HECTD4: variants seen among roughly 807,000 people sequenced by gnomAD.
HECTD4 encodes the protein probable E3 ubiquitin-protein ligase HECTD4.
A neutral mutation model predicts 471.5 loss-of-function variants in HECTD4; 114 were observed. The ratio of observed to expected loss-of-function variants is 0.24; its 90% CI spans 0.21 to 0.28. HECTD4 has a LOEUF of 0.28. Among genes scored for constraint, HECTD4 ranks in the 10% least tolerant of loss-of-function variants. The probability of loss-of-function intolerance (pLI) is 1.00; values close to 1 mark genes in which losing one functional copy is unlikely to be tolerated. For missense variants in HECTD4, 3,866 were observed against 5,651.5 expected, an observed-to-expected ratio of 0.68 and a Z score of 10.13; for synonymous variants, 2,012 against 2,256.0, an observed-to-expected ratio of 0.89 and a Z score of 3.07.
intron 1 of HECTD4, among the ~76,000 whole-genome samples, chr12:112,326,861 CTATACAAATATA>C (rs1185594497): frequency 2.5e-4 from 38 of 152,046 alleles, no homozygotes; most frequent in African/African-American, 9.2e-4. Context: ...TCTCTCTTGT[CTATACAAATATA>C]TATACAAATA....
intron 1 of HECTD4, among the ~76,000 whole-genome samples, chr12:112,342,243 C>G (rs190097445): frequency 1.1e-3 from 160 of 151,660 alleles, no homozygotes; most frequent in African/African-American, 3.6e-3. Flanking sequence ...ATTGCTTGAG[C>G]CTGGGAGTTC....
At chr12:112,296,590 TG>T (rs2035023706) in intron 7 of HECTD4, among the ~76,000 whole-genome samples, 1 of 126,194 alleles carries the variant, frequency 7.9e-6, no homozygotes, top group Non-Finnish European at 1.7e-5. Context: ...TAGGTGCAGA[TG>T]GTGTAGGTGC....
At chr12:112,292,375 C>A (rs1273808187) in intron 7 of HECTD4, among the ~76,000 whole-genome samples, 1 of 152,124 alleles carries the variant, frequency 6.6e-6, no homozygotes, top group Non-Finnish European at 1.5e-5. Flanking sequence ...TAGAATAGTC[C>A]CACACCAAAC....
chr12:112,163,125 G>A lies in HECTD4; in HGVS notation c.13037C>T (p.Thr4346Ile), dbSNP rs766299664. ...FACNQERIPF[T>I]CPCKDGGPDT... is the part of the protein sequence containing the mutation. ...GGGACCCCCATCTTTGCAGGGGCAGGTGAACGGGATGCGCTCCTGGTTGCA... is the reference window on the plus strand; with the variant it reads ...GGGACCCCCATCTTTGCAGGGGCAGATGAACGGGATGCGCTCCTGGTTGCA... The change falls in exon 75 of 76, where the codon ACC (threonine) becomes ATC (isoleucine). Residue 4346 changes from threonine (T) to isoleucine (I), a missense_variant. This residue lies in a region of HECTD4 where 715 missense variants were observed against 1,087.6 expected (regional missense o/e 0.66). Coordinates refer to ENST00000682272, the MANE Select transcript of HECTD4 (RefSeq NM_001388303.1). The surrounding 1 kb of genome is among the most constrained non-coding windows in gnomAD (Gnocchi z 8.2). 1 of 1,614,032 alleles carries A rather than the reference G, an allele frequency of 6.2e-7. No homozygotes were observed. The highest frequency in any genetic ancestry group is 8.5e-7 in the Non-Finnish European group (1 of 1,179,882).
At chr12:112,211,008 A>G (rs2032745382) in intron 49 of HECTD4, among the ~76,000 whole-genome samples, 1 of 152,240 alleles carries the variant, frequency 6.6e-6, no homozygotes, top group Admixed American at 6.5e-5. Flanking sequence ...GGTATCAGAC[A>G]CATGGTACAG....
chr12:112,249,599 ACCTGCCT>A (rs1196387028), intron 25 of HECTD4: 1 of 153,786 alleles, frequency 6.5e-6, no homozygotes, highest in Non-Finnish European at 1.4e-5. Context: ...CTCTCTGAAA[ACCTGCCT>A]CAGGAGGCAG....
chr12:112,200,905 G>GTGTGTGTC, intron 54 of HECTD4, 107 bp from the exon 55 acceptor site: 1 of 979,552 alleles, frequency 1.0e-6, no homozygotes, highest in Admixed American at 2.4e-5. Context: ...GTGTGTGTGT[G>GTGTGTGTC]TGTGTGTATT....
chr12:112,199,609 T>C (rs2032352007), intron 55 of HECTD4, among the ~76,000 whole-genome samples: 1 of 152,220 alleles, frequency 6.6e-6, no homozygotes, highest in African/African-American at 2.4e-5. Flanking sequence ...CATTTTAAGA[T>C]GGAAAGGAAT....
chr12:112,252,338 CT>C, intron 23 of HECTD4, 85 bp downstream of exon 23: 2 of 1,351,392 alleles, frequency 1.5e-6, no homozygotes, highest in Non-Finnish European at 2.0e-6. Flanking sequence ...ATATTCTGCC[CT>C]GTTTCCAAGG....
chr12:112,332,147 G>A (rs1045777761), intron 1 of HECTD4, among the ~76,000 whole-genome samples: 3 of 151,734 alleles, frequency 2.0e-5, no homozygotes, highest in Non-Finnish European at 4.4e-5. Context: ...GAAATAGGAA[G>A]TTACTGGTAT....
chr12:112,204,717 T>C (rs2032523458), intron 52 of HECTD4, 94 bp from the exon 53 acceptor site: 3 of 986,854 alleles, frequency 3.0e-6, no homozygotes, highest in Non-Finnish European at 4.5e-6. Context: ...GATAAGGGAA[T>C]CTTTCAAACA....
chr12:112,304,930 G>A (rs2035243571), intron 7 of HECTD4, among the ~76,000 whole-genome samples: 1 of 152,098 alleles, frequency 6.6e-6, no homozygotes, highest in Non-Finnish European at 1.5e-5. Context: ...TTGCTTCGGT[G>A]TTTTTGTTTT....
rs1359656322 is a variant in HECTD4 at position 112,228,695 on chromosome 12, T to C, written c.6636A>G (p.Ser2212=). ...PIDCRKTSQA[S]DTLTIPLSRL... ...TAGACAATGGAATAGTCAATGTGTC[T>C]GACGCTTGCGAAGTCTTTCTACAGT... is the stretch of plus-strand genomic sequence containing the variant. Residue 2212 remains serine, a synonymous_variant, in exon 42 of 76, where the codon TCA becomes TCG. Transcript: ENST00000682272. The surrounding 1 kb of genome is among the most constrained non-coding windows in gnomAD (Gnocchi z 4.9). 1 of 1,613,536 alleles carries C rather than the reference T, an allele frequency of 6.2e-7. No individual in the cohort carries two copies. The highest frequency in any genetic ancestry group is 1.7e-5 in the Admixed American group (1 of 59,802).
intron 62 of HECTD4, among the ~76,000 whole-genome samples, chr12:112,182,591 A>G (rs1417989270): frequency 6.6e-6 from 1 of 152,266 alleles, no homozygotes; most frequent in Non-Finnish European, 1.5e-5. Flanking sequence ...TGCACAGGAC[A>G]GAACAAAATA....
chr12:112,228,871 C>T lies in HECTD4; in HGVS notation c.6520-60G>A, dbSNP rs969675914. 34 of 1,508,196 alleles carry T rather than the reference C, an allele frequency of 2.3e-5. No individual in the cohort carries two copies. The highest frequency in any genetic ancestry group is 8.3e-5 in the Admixed American group (4 of 48,440). 93.4% of individuals were successfully genotyped at this position (1,508,196 alleles called of 1,614,324 possible). On this transcript the variant is annotated intron_variant, in intron 41 of 75. Coordinates refer to ENST00000682272, the MANE Select transcript of HECTD4 (RefSeq NM_001388303.1). The surrounding 1 kb of genome is among the most constrained non-coding windows in gnomAD (Gnocchi z 4.9). ...CTCTGACGTGTGGGCAGCTGTCTTA[C>T]GAGACAAGAGGAAAAAGTAAATTTA...
chr12:112,245,771 C>T (rs1251863422), intron 29 of HECTD4, among the ~76,000 whole-genome samples: 1 of 152,236 alleles, frequency 6.6e-6, no homozygotes, highest in Non-Finnish European at 1.5e-5. Context: ...TGCCATGTTA[C>T]AGATCCTGTC....
intron 1 of HECTD4, among the ~76,000 whole-genome samples, chr12:112,331,484 T>C (rs532471097): frequency 6.6e-6 from 1 of 152,316 alleles, no homozygotes; most frequent in Non-Finnish European, 1.5e-5. Flanking sequence ...CTCCCTCCCC[T>C]TAGGCATTTT....
In HECTD4 at chr12:112,243,588, T is replaced by C. The variant is rs529055170; in HGVS notation, c.4791+32A>G. 6.2e-7 allele frequency: 1 copy of C among 1,604,884 alleles called. No individual in the cohort carries two copies. Among genetic ancestry groups the C allele is most frequent in the African/African-American group, 1.3e-5 (1 of 74,898 alleles). On this transcript the variant is annotated intron_variant, in intron 31 of 75. Coordinates refer to ENST00000682272, the MANE Select transcript of HECTD4 (RefSeq NM_001388303.1). The surrounding 1 kb of genome is among the most constrained non-coding windows in gnomAD (Gnocchi z 6.6). ...CAAGACCCCGCATGCTGTTAGGTGC[T>C]ATTCATCTGGAGCCCGCAAAATGTG... is the stretch of plus-strand genomic sequence containing the variant.
intron 53 of HECTD4, 99 bp from the exon 54 acceptor site, chr12:112,203,871 T>TAATAAAATAA (rs921595969): frequency 3.2e-6 from 2 of 622,156 alleles, no homozygotes; most frequent in Non-Finnish European, 5.1e-6. Flanking sequence ...AAACATAAAA[T>TAATAAAATAA]AATAAAATAA....
Sources: gnomAD v4.1 joint callset for allele counts (sites outside exome capture counted in the v4.1 genomes callset) on GRCh38, gnomAD v4.1.1 for gene constraint, gnomAD v4.1.1 regional missense constraint, Gnocchi (gnomAD v3.1) non-coding constraint, MANE v1.5 for transcripts, NCBI Gene and HGNC (gene_info 2026-07-23, HGNC 2026-07-21) for gene names.